The following CCDC150 variants were observed in gnomAD, a reference collection of about 807,000 sequenced individuals.
The protein encoded by CCDC150 is coiled-coil domain containing 150, also known as coiled-coil domain-containing protein 150.
Under a neutral mutation model 156.5 loss-of-function variants are expected in CCDC150, and 151 were observed. The observed-to-expected ratio is 0.97, with a 90% confidence interval of 0.85 to 1.10. The LOEUF (loss-of-function observed/expected upper bound fraction) is 1.10. Among genes scored for constraint, CCDC150 ranks in the 50% least tolerant of loss-of-function variants. The probability of loss-of-function intolerance (pLI) is 0.00; values close to 1 mark genes in which losing one functional copy is unlikely to be tolerated. For missense variants in CCDC150, 1,312 were observed against 1,268.1 expected, an observed-to-expected ratio of 1.03 and a Z score of -0.53; for synonymous variants, 452 against 429.4, an observed-to-expected ratio of 1.05 and a Z score of -0.65.
chr2:196,661,327 AGTT>A (rs1434679828), intron 5 of CCDC150, among the ~76,000 whole-genome samples: 3 of 152,150 alleles, frequency 2.0e-5, no homozygotes, highest in Admixed American at 1.3e-4. Context: ...TCCAAGATCA[AGTT>A]GTTAGCAGAT....
intron 15 of CCDC150, among the ~76,000 whole-genome samples, chr2:196,705,823 T>A (rs1380301100): frequency 6.6e-6 from 1 of 152,236 alleles, no homozygotes; most frequent in Non-Finnish European, 1.5e-5. Flanking sequence ...TTTCCCCATT[T>A]CTTGTTTTTG....
At chr2:196,639,809 G>A in intron 1 of CCDC150, 31 bp downstream of exon 1, 2 of 1,570,190 alleles carry the variant, frequency 1.3e-6, no homozygotes, top group Admixed American at 3.5e-5. Context: ...GCTGGTGAGG[G>A]GTGGTCGGAG....
intron 15 of CCDC150, among the ~76,000 whole-genome samples, chr2:196,703,153 A>G (rs1307230260): frequency 6.6e-6 from 1 of 152,236 alleles, no homozygotes; most frequent in Non-Finnish European, 1.5e-5. Flanking sequence ...AAACCATAGC[A>G]GCAACTATGG....
At chr2:196,708,607 A>G (rs1390574374) in intron 15 of CCDC150, among the ~76,000 whole-genome samples, 2 of 152,096 alleles carry the variant, frequency 1.3e-5, no homozygotes, top group Non-Finnish European at 2.9e-5. Context: ...AGCATCAGTG[A>G]TCTTTGCAAT....
chr2:196,709,641 T>G (rs1415209907), intron 15 of CCDC150, among the ~76,000 whole-genome samples: 1 of 152,234 alleles, frequency 6.6e-6, no homozygotes, highest in Non-Finnish European at 1.5e-5. Flanking sequence ...ATCTTTGTGC[T>G]TTTATCTACC....
chr2:196,652,030 G>A (rs1377249375), intron 2 of CCDC150, among the ~76,000 whole-genome samples: 1 of 152,092 alleles, frequency 6.6e-6, no homozygotes, highest in Non-Finnish European at 1.5e-5. Context: ...CATGGGGAGG[G>A]CACCAAGCCG....
At chr2:196,711,487 G>C (rs1264030252) in intron 15 of CCDC150, among the ~76,000 whole-genome samples, 1 of 152,122 alleles carries the variant, frequency 6.6e-6, no homozygotes. Context: ...GTGTGTGAAT[G>C]GTTTGGGGAT....
In CCDC150 at chr2:196,730,956, C is replaced by T. The variant is rs1380251706; in HGVS notation, c.3069+11C>T. ...GTGGAATCAGAACAGGTGAGCCAGA[C>T]CCACGGACATAAAGACTTAGACGTT... is the stretch of plus-strand genomic sequence containing the variant. On this transcript the variant is annotated intron_variant, in intron 26 of 27. Coordinates refer to ENST00000389175, the MANE Select transcript of CCDC150 (RefSeq NM_001080539.2). 6 of 1,582,834 alleles carry T rather than the reference C, an allele frequency of 3.8e-6. No individual in the cohort carries two copies. The highest frequency in any genetic ancestry group is 5.2e-6 in the Non-Finnish European group (6 of 1,164,054).
At chr2:196,642,778 C>T (rs764700620) in intron 1 of CCDC150, among the ~76,000 whole-genome samples, 1 of 152,144 alleles carries the variant, frequency 6.6e-6, no homozygotes, top group Non-Finnish European at 1.5e-5. Context: ...CTTGCTTTGT[C>T]ACCCAGGCTG....
rs114260596 is a variant in CCDC150 at position 196,717,274 on chromosome 2, G to A, written c.1867-1229G>A. On this transcript the variant is annotated intron_variant, in intron 17 of 27. Coordinates refer to ENST00000389175, the MANE Select transcript of CCDC150 (RefSeq NM_001080539.2). ...GTATGGGAAAGAAAAGAACAAATTAGTGGTTGCCAGAGGACAGGATGAGTT... is the reference window on the plus strand; with the variant it reads ...GTATGGGAAAGAAAAGAACAAATTAATGGTTGCCAGAGGACAGGATGAGTT... Among the ~76,000 whole-genome samples the A allele has an allele frequency of 7.2e-3, 1,098 of 152,242 alleles. 12 individuals are homozygous for A. Among genetic ancestry groups the A allele is most frequent in the African/African-American group, 0.025 (1,042 of 41,542 alleles).
intron 18 of CCDC150, 101 bp from the exon 19 acceptor site, chr2:196,719,396 T>G (rs1697741991): frequency 1.1e-6 from 1 of 889,396 alleles, no homozygotes; most frequent in Admixed American, 3.2e-5. Context: ...CTGTGTCTGC[T>G]TGTCTGCTTT....
At chr2:196,670,758 A>G (rs1050098579) in intron 8 of CCDC150, among the ~76,000 whole-genome samples, 6 of 152,190 alleles carry the variant, frequency 3.9e-5, no homozygotes, top group Non-Finnish European at 7.4e-5. Context: ...GAACTGTGAT[A>G]TAAAGATACT....
In CCDC150 at chr2:196,732,791, G is replaced by T. The variant is rs1281160054; in HGVS notation, c.*229G>T. 8.7e-6 allele frequency: 3 copies of T among 345,348 alleles called. No homozygotes were observed. Among genetic ancestry groups the T allele is most frequent in the Non-Finnish European group, 1.1e-5 (2 of 187,660 alleles). The allele number at this position is 345,348 out of a possible 1,614,324, so 21.4% of individuals were successfully genotyped here. On this transcript the variant is annotated 3_prime_UTR_variant, in exon 28 of 28. Coordinates refer to ENST00000389175, the MANE Select transcript of CCDC150 (RefSeq NM_001080539.2). ...CCCAATAAATTTGTGTTAATTTGTTGTATGATAGGAGATGGTGTTGCATAA... is the reference window on the plus strand; with the variant it reads ...CCCAATAAATTTGTGTTAATTTGTTTTATGATAGGAGATGGTGTTGCATAA...
At chr2:196,658,100 G>A (rs1363900838) in intron 4 of CCDC150, among the ~76,000 whole-genome samples, 1 of 152,114 alleles carries the variant, frequency 6.6e-6, no homozygotes, top group Non-Finnish European at 1.5e-5. Flanking sequence ...ATGAAAACGG[G>A]AAAACAACTT....
chr2:196,718,510 C>A lies in CCDC150; in HGVS notation c.1874C>A (p.Ser625Tyr). 6.2e-7 allele frequency: 1 copy of A among 1,607,762 alleles called. No homozygotes were observed. Among genetic ancestry groups the A allele is most frequent in the Non-Finnish European group, 8.5e-7 (1 of 1,176,310 alleles). Residue 625 changes from serine to tyrosine, a missense_variant, in exon 18 of 28, where the codon TCT becomes TAT. By Grantham distance (144) the Ser-to-Tyr change is moderately radical (BLOSUM62 -2). Transcript: ENST00000389175. ...TTCTTTTTTCCTACTTAGGTGAAAT[C>A]TATTCTTGAAAGAAGTAAAGAGGAG... ...QADAHLKEVK[S>Y]ILERSKEELS...
chr2:196,715,361 A>G (rs1463730954), intron 17 of CCDC150, among the ~76,000 whole-genome samples: 1 of 152,194 alleles, frequency 6.6e-6, no homozygotes, highest in East Asian at 1.9e-4. Context: ...AGAAGAGTAT[A>G]TGTAATATTT....
chr2:196,700,093 G>A (rs1395369872), intron 14 of CCDC150, among the ~76,000 whole-genome samples: 1 of 152,076 alleles, frequency 6.6e-6, no homozygotes, highest in Non-Finnish European at 1.5e-5. Context: ...AAATTCTTTG[G>A]CTTAAAATGC....
At chr2:196,731,947 C>A in intron 26 of CCDC150, 86 bp from the exon 27 acceptor site, 1 of 1,346,472 alleles carries the variant, frequency 7.4e-7, no homozygotes, top group Non-Finnish European at 1.0e-6. Context: ...CTTTTAATTT[C>A]TAAGTAAAAA....
chr2:196,702,343 C>CTGTGTGTGTGTGTGTGTG (rs3220631), intron 15 of CCDC150, among the ~76,000 whole-genome samples: 70 of 143,784 alleles, frequency 4.9e-4, no homozygotes, highest in East Asian at 8.6e-4. Context: ...GACTGAAGTG[C>CTGTGTGTGTGTGTGTGTG]TGTGTGTGTG....
Sources: gnomAD v4.1 joint callset for allele counts (sites outside exome capture counted in the v4.1 genomes callset) on GRCh38, gnomAD v4.1.1 for gene constraint, MANE v1.5 for transcripts, NCBI Gene and HGNC (gene_info 2026-07-23, HGNC 2026-07-21) for gene names.